The following SYT2 variants were observed in gnomAD, a reference collection of about 807,000 sequenced individuals.
SYT2 encodes synaptotagmin 2, also known as synaptotagmin-2.
A neutral mutation model predicts 39.9 loss-of-function variants in SYT2; 15 were observed. The ratio of observed to expected loss-of-function variants is 0.38; its 90% confidence interval spans 0.25 to 0.58. SYT2 has a LOEUF of 0.58. SYT2 is among the 20% of genes least tolerant of loss of function. The probability of loss-of-function intolerance (pLI) is 0.70; values close to 1 mark genes in which losing one functional copy is unlikely to be tolerated. For missense variants in SYT2, 389 were observed against 530.3 expected (o/e 0.73, Z 2.62); for synonymous variants, 181 against 204.5 (o/e 0.89, Z 0.98).
At chr1:202,641,605 G>T (rs183812947) in intron 1 of SYT2, among the ~76,000 whole-genome samples, 64 of 152,338 alleles carry the variant, frequency 4.2e-4, no homozygotes, top group Non-Finnish European at 4.6e-4. Context: ...ATCCAAAAAG[G>T]AGTTAGATTA....
In SYT2 at chr1:202,591,918, C is replaced by A. The variant is rs1690131845; in HGVS notation, c.*4839G>T. The stretch of plus-strand genomic sequence containing the variant: ...GATGGAGCTGAACTGTGAACCCAGG[C>A]CGAGAAAGCCAGCTCGGGCAGGGCC... On this transcript the variant is annotated 3_prime_UTR_variant, in exon 9 of 9. Coordinates refer to ENST00000367268, the MANE Select transcript of SYT2 (RefSeq NM_177402.5). 1 of 152,858 alleles carries A rather than the reference C, an allele frequency of 6.5e-6. No homozygotes were observed. Among genetic ancestry groups the A allele is most frequent in the African/African-American group, 2.4e-5 (1 of 41,466 alleles). The allele number at this position is 152,858 out of a possible 1,614,324, so 9.5% of individuals were successfully genotyped here.
intron 3 of SYT2, 80 bp downstream of exon 3, chr1:202,604,375 G>A: frequency 1.4e-6 from 2 of 1,464,790 alleles, no homozygotes; most frequent in Non-Finnish European, 1.9e-6. Context: ...GGAAGCCCAG[G>A]AGCCTTTGCT....
chr1:202,706,508 T>A (rs964073616), intron 1 of SYT2, among the ~76,000 whole-genome samples: 1 of 152,044 alleles, frequency 6.6e-6, no homozygotes, highest in Admixed American at 6.5e-5. Context: ...TACGTCATAG[T>A]TACAAATTTT....
intron 1 of SYT2, among the ~76,000 whole-genome samples, chr1:202,667,505 G>C (rs1692502933): frequency 2.0e-5 from 2 of 101,582 alleles, no homozygotes; most frequent in East Asian, 3.9e-4. Context: ...GTGTGTGTGT[G>C]TGTGTGTGTA....
intron 1 of SYT2, among the ~76,000 whole-genome samples, chr1:202,698,173 C>T (rs1217200516): frequency 2.0e-5 from 3 of 152,180 alleles, no homozygotes; most frequent in Non-Finnish European, 4.4e-5. Context: ...AATACTCTCC[C>T]TTTCATCTTT....
intron 1 of SYT2, among the ~76,000 whole-genome samples, chr1:202,685,057 G>C (rs1191607993): frequency 6.6e-6 from 1 of 152,234 alleles, no homozygotes; most frequent in Non-Finnish European, 1.5e-5. Flanking sequence ...CGGGAAGAGA[G>C]AGGTTAGACC....
chr1:202,600,182 G>A (rs377600060), intron 7 of SYT2, among the ~76,000 whole-genome samples, 175 bp downstream of exon 7: 1 of 152,228 alleles, frequency 6.6e-6, no homozygotes, highest in African/African-American at 2.4e-5. Context: ...ATGGGGACAA[G>A]GGGCCCTTGG....
chr1:202,674,085 G>T (rs1335928292), intron 1 of SYT2, among the ~76,000 whole-genome samples: 2 of 152,004 alleles, frequency 1.3e-5, no homozygotes, highest in Non-Finnish European at 2.9e-5. Context: ...CAATGGGAGA[G>T]CACAGGTATA....
chr1:202,618,385 C>T (rs1253933137), intron 1 of SYT2, among the ~76,000 whole-genome samples: 1 of 127,706 alleles, frequency 7.8e-6, no homozygotes, highest in Non-Finnish European at 1.7e-5. Flanking sequence ...TGGGAAGGAA[C>T]CAAGGTCTGG....
intron 1 of SYT2, among the ~76,000 whole-genome samples, chr1:202,675,049 T>A (rs1226713176): frequency 6.6e-6 from 1 of 152,166 alleles, no homozygotes. Flanking sequence ...ATGGCTTTCT[T>A]GTTTATTACA....
intron 1 of SYT2, among the ~76,000 whole-genome samples, chr1:202,676,941 C>T (rs1437222135): frequency 6.6e-6 from 1 of 152,178 alleles, no homozygotes; most frequent in Non-Finnish European, 1.5e-5. Context: ...TTCCCCCTTG[C>T]TGTTCTCATG....
At chr1:202,695,880 T>C (rs1459008903) in intron 1 of SYT2, among the ~76,000 whole-genome samples, 2 of 152,362 alleles carry the variant, frequency 1.3e-5, no homozygotes, top group African/African-American at 2.4e-5. Flanking sequence ...CTCAGTGCTA[T>C]AAGCAAGTGC....
intron 1 of SYT2, among the ~76,000 whole-genome samples, chr1:202,626,180 G>C (rs1488792067): frequency 6.6e-6 from 1 of 152,068 alleles, no homozygotes; most frequent in Non-Finnish European, 1.5e-5. Context: ...GGAGGGGGTG[G>C]ACTACGATGC....
At chr1:202,658,181 G>T (rs574222499) in intron 1 of SYT2, among the ~76,000 whole-genome samples, 5 of 152,260 alleles carry the variant, frequency 3.3e-5, no homozygotes, top group Non-Finnish European at 5.9e-5. Flanking sequence ...TGAGCTGGGA[G>T]ACTGCAGGTG....
intron 1 of SYT2, among the ~76,000 whole-genome samples, chr1:202,622,116 C>T (rs1043357134): frequency 6.6e-6 from 1 of 152,162 alleles, no homozygotes; most frequent in South Asian, 2.1e-4. Context: ...TTTGCAGAAG[C>T]CAAAGTAATG....
chr1:202,699,910 C>T (rs1654069870), intron 1 of SYT2, among the ~76,000 whole-genome samples: 1 of 152,094 alleles, frequency 6.6e-6, no homozygotes, highest in Non-Finnish European at 1.5e-5. Context: ...CACATTCCCT[C>T]TCTGGGCCTT....
At position 202,681,422 on chromosome 1, in the gene SYT2, C is replaced by A. The variant is rs527513680; in HGVS notation, c.-18+28836G>T. Reference sequence around the variant, plus strand: ...TATTTAACTGGAGAAATCCCCAGAGCAGGGTCCTTAACTTCTCCTGCCATG... The same window carrying A: ...TATTTAACTGGAGAAATCCCCAGAGAAGGGTCCTTAACTTCTCCTGCCATG... On this transcript the variant is annotated intron_variant, in intron 1 of 8. Coordinates refer to ENST00000367268, the MANE Select transcript of SYT2 (RefSeq NM_177402.5). Among the ~76,000 whole-genome samples, 5 of 152,332 alleles carry A rather than the reference C, an allele frequency of 3.3e-5. No homozygotes were observed. The East Asian group carries it at 9.6e-4, about 29-fold the overall frequency.
chr1:202,681,004 T>C (rs1653511840), intron 1 of SYT2, among the ~76,000 whole-genome samples: 1 of 152,128 alleles, frequency 6.6e-6, no homozygotes. Context: ...GCCTCTGACA[T>C]GGGTCTCTGT....
At chr1:202,632,376 GAC>G (rs2149091609) in intron 1 of SYT2, 1 of 194,930 alleles carries the variant, frequency 5.1e-6, no homozygotes, top group Admixed American at 6.5e-5. Context: ...AAAATAGTGA[GAC>G]ACGCAGATAT....
Sources: allele counts gnomAD v4.1 joint callset (sites outside exome capture counted in the v4.1 genomes callset), GRCh38; gene constraint gnomAD v4.1.1; transcripts MANE v1.5; gene names NCBI Gene and HGNC (gene_info 2026-07-23, HGNC 2026-07-21).